ACVR2A: variants seen among roughly 807,000 people sequenced by gnomAD.
ACVR2A encodes the protein activin A receptor type 2A.
In ACVR2A, 7 loss-of-function variants were observed where a neutral mutation model predicts 61.4. The observed-to-expected ratio is 0.11, with a 90% CI of 0.06 to 0.21. ACVR2A has a LOEUF of 0.21. ACVR2A is among the 10% of genes least tolerant of loss of function. The pLI is 1.00. For synonymous variants in ACVR2A, 193 were observed against 208.3 expected, an observed-to-expected ratio of 0.93 and a Z score of 0.63; for missense variants, 322 against 621.7, an observed-to-expected ratio of 0.52 and a Z score of 5.13.
At chr2:147,915,997 C>T (rs1687240841) in intron 5 of ACVR2A, among the ~76,000 whole-genome samples, 1 of 151,840 alleles carries the variant, frequency 6.6e-6, no homozygotes, top group South Asian at 2.1e-4. Context: ...CTCATGATAC[C>T]CTTGGTACTG....
intron 1 of ACVR2A, among the ~76,000 whole-genome samples, chr2:147,876,582 T>C (rs989020268): frequency 6.6e-6 from 1 of 152,198 alleles, no homozygotes; most frequent in Non-Finnish European, 1.5e-5. Flanking sequence ...CATCAGCCTA[T>C]CACTGTCATT....
intron 1 of ACVR2A, among the ~76,000 whole-genome samples, chr2:147,850,612 A>C (rs1685418926): frequency 6.6e-6 from 1 of 152,130 alleles, no homozygotes; most frequent in African/African-American, 2.4e-5. Flanking sequence ...TGGTAGATTT[A>C]ATTCTGTTAG....
At chr2:147,863,573 T>C (rs750572390) in intron 1 of ACVR2A, among the ~76,000 whole-genome samples, 1 of 152,224 alleles carries the variant, frequency 6.6e-6, no homozygotes, top group Non-Finnish European at 1.5e-5. Context: ...GTATGTTTTA[T>C]TGTATTCTTA....
intron 1 of ACVR2A, among the ~76,000 whole-genome samples, chr2:147,892,258 C>CATT (rs1686606212): frequency 6.6e-6 from 1 of 151,846 alleles, no homozygotes; most frequent in African/African-American, 2.4e-5. Flanking sequence ...ATGTGAGCCA[C>CATT]CGTGCTGGGC....
At chr2:147,898,896 A>T (rs1404429829) in intron 2 of ACVR2A, among the ~76,000 whole-genome samples, 4 of 152,026 alleles carry the variant, frequency 2.6e-5, no homozygotes, top group Non-Finnish European at 5.9e-5. Flanking sequence ...TTAAATCTAC[A>T]CTCTAAAAAA....
chr2:147,902,411 A>G (rs376537197), intron 4 of ACVR2A, among the ~76,000 whole-genome samples: 1 of 151,952 alleles, frequency 6.6e-6, no homozygotes, highest in African/African-American at 2.4e-5. Flanking sequence ...TGTTTCATAT[A>G]ATTCAGTAAA....
At chr2:147,860,682 A>G (rs1354855783) in intron 1 of ACVR2A, among the ~76,000 whole-genome samples, 1 of 152,214 alleles carries the variant, frequency 6.6e-6, no homozygotes, top group Non-Finnish European at 1.5e-5. Context: ...TCACTAGGAA[A>G]GTAACAGAAC....
At chr2:147,918,977 C>G (rs1687317698) in intron 7 of ACVR2A, among the ~76,000 whole-genome samples, 1 of 151,922 alleles carries the variant, frequency 6.6e-6, no homozygotes, top group Non-Finnish European at 1.5e-5. Flanking sequence ...TTTGAATGAC[C>G]TTATCTGTAC....
chr2:147,895,317 C>T lies in ACVR2A; in HGVS notation c.56-984C>T, dbSNP rs150920722. ...TCATAGCCACCTCCTGTTGCTATTG[C>T]GGTGAGCTCAAGTGTTGCAAATATC... On this transcript the variant is annotated intron_variant, in intron 1 of 10. Coordinates refer to ENST00000241416, the MANE Select transcript of ACVR2A (RefSeq NM_001616.5). Among the ~76,000 whole-genome samples the T allele has an allele frequency of 3.4e-3, 520 of 152,240 alleles. 1 individual carries two copies. Among genetic ancestry groups the T allele is most frequent in the East Asian group, 8.3e-3 (43 of 5,178 alleles).
intron 4 of ACVR2A, among the ~76,000 whole-genome samples, chr2:147,900,174 C>CTT (rs1686837761): frequency 6.6e-6 from 1 of 152,052 alleles, no homozygotes; most frequent in Non-Finnish European, 1.5e-5. Context: ...TAACACTAAC[C>CTT]TGCTTTGCTT....
chr2:147,898,603 A>G (rs567072096), intron 2 of ACVR2A, among the ~76,000 whole-genome samples: 1 of 152,130 alleles, frequency 6.6e-6, no homozygotes, highest in Non-Finnish European at 1.5e-5. Context: ...GACAACTATC[A>G]AAAAAGTTCA....
At chr2:147,914,335 A>C (rs1687196434) in intron 4 of ACVR2A, among the ~76,000 whole-genome samples, 1 of 151,988 alleles carries the variant, frequency 6.6e-6, no homozygotes, top group African/African-American at 2.4e-5. Context: ...AACTGAGAGA[A>C]TGCTTTCAAT....
intron 1 of ACVR2A, among the ~76,000 whole-genome samples, chr2:147,863,871 C>T (rs1245897569): frequency 6.6e-6 from 1 of 152,162 alleles, no homozygotes; most frequent in East Asian, 1.9e-4. Context: ...TTCATTTGCT[C>T]TGATCACCAC....
intron 1 of ACVR2A, among the ~76,000 whole-genome samples, chr2:147,864,172 T>G (rs1429512105): frequency 2.0e-5 from 3 of 152,116 alleles, no homozygotes; most frequent in Non-Finnish European, 4.4e-5. Flanking sequence ...ACAAATTGAT[T>G]AAATGATGTA....
intron 1 of ACVR2A, among the ~76,000 whole-genome samples, chr2:147,872,183 G>A (rs1686037625): frequency 6.6e-6 from 1 of 151,818 alleles, no homozygotes; most frequent in South Asian, 2.1e-4. Flanking sequence ...TGCCACTTTT[G>A]CATCTACCAA....
At chr2:147,918,616 C>G (rs752618668) in intron 7 of ACVR2A, 24 bp downstream of exon 7, 4 of 1,580,762 alleles carry the variant, frequency 2.5e-6, no homozygotes, top group East Asian at 4.5e-5. Flanking sequence ...ATATTGTTTT[C>G]CCAGATAATT....
chr2:147,857,828 TAA>T lies in ACVR2A; in HGVS notation c.55+12630_55+12631del, dbSNP rs141972793. Among the ~76,000 whole-genome samples the T allele has an allele frequency of 2.0e-3, 299 of 151,072 alleles. 1 individual carries two copies. The highest frequency in any genetic ancestry group is 0.01 in the Middle Eastern group (3 of 290). On this transcript the variant is annotated intron_variant, in intron 1 of 10. Coordinates refer to ENST00000241416, the MANE Select transcript of ACVR2A (RefSeq NM_001616.5). ...CACATAAACATATATACATGCGACT[TAA>T]AAAAAAAATTATTTTAAGTTCAGGA...
chr2:147,871,513 G>A (rs981420276), intron 1 of ACVR2A, among the ~76,000 whole-genome samples: 4 of 151,948 alleles, frequency 2.6e-5, no homozygotes, highest in Admixed American at 1.3e-4. Context: ...ATTTACGTAG[G>A]TATGTATAAA....
intron 1 of ACVR2A, among the ~76,000 whole-genome samples, chr2:147,855,666 A>AT (rs1160730667): frequency 6.6e-6 from 1 of 151,176 alleles, no homozygotes; most frequent in African/African-American, 2.4e-5. Context: ...TAGTCATCTT[A>AT]TTTTTTTTCC....
Sources: allele counts gnomAD v4.1 joint callset (sites outside exome capture counted in the v4.1 genomes callset), GRCh38; gene constraint gnomAD v4.1.1; transcripts MANE v1.5; gene names NCBI Gene and HGNC (gene_info 2026-07-23, HGNC 2026-07-21).